The following SPATA13 variants were observed in gnomAD, a reference collection of about 807,000 sequenced individuals.
SPATA13 encodes the protein spermatogenesis-associated protein 13.
A neutral mutation model predicts 104.0 loss-of-function variants in SPATA13; 50 were observed. The observed-to-expected ratio is 0.48, with a 90% CI of 0.38 to 0.61. SPATA13 has a LOEUF of 0.61. SPATA13 is among the 20% of genes least tolerant of loss of function. The probability of loss-of-function intolerance (pLI) is 0.00; values close to 1 mark genes in which losing one functional copy is unlikely to be tolerated. For missense variants in SPATA13, 1,524 were observed against 1,690.6 expected (o/e 0.90, Z 1.73); for synonymous variants, 606 against 667.5 (o/e 0.91, Z 1.42).
rs1047994672 is a variant in SPATA13, at chr13:24,027,570, C to T, written c.-112+9869C>T. Among the ~76,000 whole-genome samples the T allele has an allele frequency of 2.6e-5, 4 of 152,020 alleles. No homozygotes were observed. In the East Asian group the frequency reaches 5.8e-4, roughly 22 times the overall value. On this transcript the variant is annotated intron_variant, in intron 3 of 14. Transcript: ENST00000424834. The stretch of plus-strand genomic sequence containing the variant: ...ACTGATTTTAGCTCTTTATTATTTC[C>T]TTTCTTCTACATTCTTGGGTTTTTT...
chr13:24,058,490 G>T (rs974363221), intron 3 of SPATA13, among the ~76,000 whole-genome samples: 27 of 151,818 alleles, frequency 1.8e-4, no homozygotes, highest in African/African-American at 6.5e-4. Context: ...CAAAGGAACA[G>T]CTCACACATG....
chr13:24,094,783 T>C (rs9507240), intron 3 of SPATA13, among the ~76,000 whole-genome samples: 140,308 of 152,218 alleles, frequency 0.92, 65,060 homozygotes, highest in Middle Eastern at 0.98. Context: ...AAAATTAATA[T>C]GTAAAATATT....
At chr13:24,047,002 A>C (rs1015295135) in intron 3 of SPATA13, among the ~76,000 whole-genome samples, 2 of 152,106 alleles carry the variant, frequency 1.3e-5, no homozygotes, top group Non-Finnish European at 2.9e-5. Context: ...TAGTCTAGGT[A>C]GGGGTTTCAT....
intron 1 of SPATA13, among the ~76,000 whole-genome samples, chr13:23,980,405 C>G (rs2137645290): frequency 6.6e-6 from 1 of 152,310 alleles, no homozygotes; most frequent in African/African-American, 2.4e-5. Context: ...GCGTGAGCCC[C>G]CACTCTGATG....
chr13:24,194,478 T>G (rs111564789), intron 1 of SPATA13, among the ~76,000 whole-genome samples: 2,038 of 152,198 alleles, frequency 0.013, 55 homozygotes, highest in African/African-American at 0.043. Context: ...CTCTGTGAAA[T>G]AGGAGAAACC....
At chr13:24,103,613 A>G (rs1160645713) in intron 3 of SPATA13, among the ~76,000 whole-genome samples, 1 of 152,172 alleles carries the variant, frequency 6.6e-6, no homozygotes, top group Non-Finnish European at 1.5e-5. Flanking sequence ...TTACTTAAAC[A>G]TATAGCTTGT....
chr13:24,043,010 T>C (rs1877990081), intron 3 of SPATA13, among the ~76,000 whole-genome samples: 1 of 152,230 alleles, frequency 6.6e-6, no homozygotes, highest in Non-Finnish European at 1.5e-5. Context: ...AATGTGTGTC[T>C]TAGTGAATAA....
At chr13:24,259,368 T>C (rs1873949111) in intron 4 of SPATA13, among the ~76,000 whole-genome samples, 1 of 152,230 alleles carries the variant, frequency 6.6e-6, no homozygotes. Context: ...GAGCCTCACT[T>C]GCTTTCTTAC....
At chr13:24,073,024 A>G (rs74982400) in intron 3 of SPATA13, among the ~76,000 whole-genome samples, 45,080 of 151,558 alleles carry the variant, frequency 0.3, 6,992 homozygotes, top group Middle Eastern at 0.35. Flanking sequence ...TCTTGTCTCT[A>G]TGAATTTATA....
At chr13:24,167,578 G>T (rs1346325449) in intron 1 of SPATA13, among the ~76,000 whole-genome samples, 1 of 152,184 alleles carries the variant, frequency 6.6e-6, no homozygotes, top group African/African-American at 2.4e-5. Context: ...CAATACTTCT[G>T]TGTGAATAGT....
intron 3 of SPATA13, among the ~76,000 whole-genome samples, chr13:24,094,380 C>A (rs1309405173): frequency 1.3e-5 from 2 of 152,112 alleles, no homozygotes; most frequent in African/African-American, 4.8e-5. Context: ...TTGTGAAAAA[C>A]GGATCAACAT....
chr13:24,122,415 C>T (rs1041186814), intron 3 of SPATA13: 45 of 1,589,376 alleles, frequency 2.8e-5, no homozygotes, highest in Admixed American at 1.3e-4. Flanking sequence ...CAGTCTCTTC[C>T]GCATCATCTT....
chr13:24,196,146 T>A (rs1227016487), intron 1 of SPATA13, among the ~76,000 whole-genome samples: 1 of 152,002 alleles, frequency 6.6e-6, no homozygotes, highest in African/African-American at 2.4e-5. Context: ...CTGGAAAAAT[T>A]TTTCTAGAAG....
intron 1 of SPATA13, among the ~76,000 whole-genome samples, chr13:24,215,668 G>C (rs182613824): frequency 1.4e-4 from 22 of 152,178 alleles, no homozygotes; most frequent in Non-Finnish European, 2.9e-4. Flanking sequence ...TTAAGCTGTG[G>C]ATGTAAAAGC....
At chr13:24,002,156 C>A (rs753135974) in intron 2 of SPATA13, among the ~76,000 whole-genome samples, 15 of 152,040 alleles carry the variant, frequency 9.9e-5, no homozygotes, top group Non-Finnish European at 1.9e-4. Context: ...TAGCTTTTGA[C>A]CTCTGTCACA....
At chr13:24,282,726 A>G (rs937775522) in intron 4 of SPATA13, among the ~76,000 whole-genome samples, 2 of 152,158 alleles carry the variant, frequency 1.3e-5, no homozygotes, top group Non-Finnish European at 2.9e-5. Context: ...GGACACCATC[A>G]CCACAGTAGC....
chr13:24,100,610 C>G (rs1054099044), intron 3 of SPATA13, among the ~76,000 whole-genome samples: 3 of 152,162 alleles, frequency 2.0e-5, no homozygotes, highest in African/African-American at 7.2e-5. Context: ...CTTATGAGAG[C>G]TGAAGCCCAT....
chr13:24,291,785 T>C (rs1593508002), intron 9 of SPATA13, among the ~76,000 whole-genome samples: 2 of 150,660 alleles, frequency 1.3e-5, no homozygotes, highest in African/African-American at 2.4e-5. Flanking sequence ...AGTCTCGTTC[T>C]GTCGCCCAGG....
At chr13:24,024,975 G>A (rs1877147162) in intron 3 of SPATA13, among the ~76,000 whole-genome samples, 1 of 149,614 alleles carries the variant, frequency 6.7e-6, no homozygotes, top group Admixed American at 6.7e-5. Context: ...TATAAACACA[G>A]ATGAAGCATA....
Sources: allele counts gnomAD v4.1 joint callset (sites outside exome capture counted in the v4.1 genomes callset), GRCh38; gene constraint gnomAD v4.1.1; transcripts MANE v1.5; gene names NCBI Gene and HGNC (gene_info 2026-07-23, HGNC 2026-07-21).